Variants in DLGAP2 observed in about 807,000 individuals in gnomAD.
The protein encoded by DLGAP2 is disks large-associated protein 2.
A neutral mutation model predicts 100.3 loss-of-function variants in DLGAP2; 26 were observed. That is an observed-to-expected ratio of 0.26 (90% CI 0.19 to 0.36). The LOEUF is 0.36. Ranked by LOEUF, DLGAP2 falls within the 10% of genes least tolerant of loss-of-function variation. The pLI is 1.00. For synonymous variants in DLGAP2, 886 were observed against 630.1 expected (o/e 1.41, Z -6.08); for missense variants, 1,858 against 1,453.2 (o/e 1.28, Z -4.53).
intron 3 of DLGAP2, among the ~76,000 whole-genome samples, chr8:1,383,173 G>T (rs911827272): frequency 1.3e-5 from 2 of 152,074 alleles, no homozygotes; most frequent in Admixed American, 6.5e-5. Flanking sequence ...AAGTTTGTCA[G>T]GTATATTCAT....
intron 3 of DLGAP2, among the ~76,000 whole-genome samples, chr8:1,438,204 T>C (rs1174562258): frequency 6.6e-6 from 1 of 152,176 alleles, no homozygotes; most frequent in Non-Finnish European, 1.5e-5. Context: ...CCTGGTTCTT[T>C]TAAAATGCAT....
intron 2 of DLGAP2, among the ~76,000 whole-genome samples, chr8:926,698 C>T (rs999587240): frequency 2.6e-5 from 4 of 152,210 alleles, no homozygotes; most frequent in Non-Finnish European, 5.9e-5. Flanking sequence ...TGGGTGGCCG[C>T]CGAGGGGCTG....
intron 3 of DLGAP2, among the ~76,000 whole-genome samples, chr8:1,293,529 T>A (rs1446567430): frequency 2.0e-5 from 3 of 152,228 alleles, no homozygotes; most frequent in Non-Finnish European, 1.5e-5. Flanking sequence ...TTATCTTCCT[T>A]TGGGCCTGGA....
intron 2 of DLGAP2, among the ~76,000 whole-genome samples, chr8:1,007,642 G>GT (rs1173542913): frequency 2.0e-5 from 3 of 147,514 alleles, no homozygotes; most frequent in Admixed American, 6.7e-5. Context: ...TTTTGGGGGG[G>GT]GGATCTTCTG....
Position 895,455 on chromosome 8 carries a change from G to A in DLGAP2, c.19-12457G>A, listed in dbSNP as rs181164340. ...AGCAGGGGGCTGTCGGTCTCTGGAC[G>A]CTGCCCGTCCCCCCTTCTGAGACCA... On this transcript the variant is annotated intron_variant, in intron 1 of 14. Coordinates refer to ENST00000637795, the MANE Select transcript of DLGAP2 (RefSeq NM_001346810.2). 1.8e-3 allele frequency among the ~76,000 whole-genome samples: 273 copies of A among 152,268 alleles called. 1 individual carries two copies. The highest frequency in any genetic ancestry group is 6.1e-3 in the African/African-American group (255 of 41,532).
At chr8:1,333,813 C>T (rs1440301929) in intron 3 of DLGAP2, among the ~76,000 whole-genome samples, 1 of 152,182 alleles carries the variant, frequency 6.6e-6, no homozygotes, top group African/African-American at 2.4e-5. Flanking sequence ...CCATCTCCAC[C>T]CGAACTTATC....
intron 3 of DLGAP2, among the ~76,000 whole-genome samples, chr8:1,464,822 G>A (rs1798578116): frequency 6.6e-6 from 1 of 152,220 alleles, no homozygotes; most frequent in Non-Finnish European, 1.5e-5. Flanking sequence ...GCAGCAGGAT[G>A]ATCATTATCA....
chr8:1,347,782 T>C (rs1454873480), intron 3 of DLGAP2, among the ~76,000 whole-genome samples: 2 of 151,920 alleles, frequency 1.3e-5, no homozygotes, highest in East Asian at 3.9e-4. Flanking sequence ...TCATGGTAAC[T>C]GTGTGGAGGT....
intron 2 of DLGAP2, among the ~76,000 whole-genome samples, chr8:1,244,421 T>A (rs1238984682): frequency 1.3e-5 from 2 of 152,188 alleles, no homozygotes; most frequent in African/African-American, 2.4e-5. Context: ...CAAAATATTG[T>A]GTTATAATGA....
At chr8:741,691 TC>T (rs1455423223) in intron 1 of DLGAP2, among the ~76,000 whole-genome samples, 1 of 152,190 alleles carries the variant, frequency 6.6e-6, no homozygotes, top group African/African-American at 2.4e-5. Flanking sequence ...AGTGTACGCT[TC>T]CCTTTCCAGG....
intron 3 of DLGAP2, among the ~76,000 whole-genome samples, chr8:1,377,262 C>T (rs74304033): frequency 0.052 from 7,917 of 152,236 alleles, 419 homozygotes; most frequent in East Asian, 0.18. Flanking sequence ...CACAGGTCTT[C>T]GGCCGAGCGC....
At chr8:1,005,723 C>T (rs1415146121) in intron 2 of DLGAP2, among the ~76,000 whole-genome samples, 1 of 152,078 alleles carries the variant, frequency 6.6e-6, no homozygotes, top group Non-Finnish European at 1.5e-5. Context: ...CCTAGCCCTA[C>T]ATCCCCAGTG....
intron 1 of DLGAP2, among the ~76,000 whole-genome samples, chr8:752,081 C>T (rs946570666): frequency 6.6e-6 from 1 of 152,212 alleles, no homozygotes; most frequent in Non-Finnish European, 1.5e-5. Flanking sequence ...CCCTGGTGTT[C>T]ACTCACCCAG....
At chr8:1,460,926 G>C (rs757161152) in intron 3 of DLGAP2, among the ~76,000 whole-genome samples, 2 of 152,232 alleles carry the variant, frequency 1.3e-5, no homozygotes, top group Non-Finnish European at 2.9e-5. Flanking sequence ...ACTCTCTCCA[G>C]AGCATAAACA....
intron 2 of DLGAP2, among the ~76,000 whole-genome samples, chr8:1,257,414 C>G (rs937641816): frequency 6.6e-6 from 1 of 152,086 alleles, no homozygotes; most frequent in African/African-American, 2.4e-5. Flanking sequence ...GCCCTCCGCT[C>G]ACCTCTCTGC....
At chr8:909,791 G>A (rs1343832892) in intron 2 of DLGAP2, among the ~76,000 whole-genome samples, 1 of 152,198 alleles carries the variant, frequency 6.6e-6, no homozygotes. Context: ...GTAAGTCCAT[G>A]CAGAATGGAA....
At chr8:1,567,058 C>G (rs2130580396) in intron 6 of DLGAP2, among the ~76,000 whole-genome samples, 1 of 152,256 alleles carries the variant, frequency 6.6e-6, no homozygotes, top group Admixed American at 6.5e-5. Flanking sequence ...AAATGTTGCC[C>G]TGGGGAAGCT....
intron 2 of DLGAP2, among the ~76,000 whole-genome samples, chr8:1,174,662 T>G (rs1056487682): frequency 1.3e-5 from 2 of 149,954 alleles, no homozygotes; most frequent in Non-Finnish European, 3.0e-5. Context: ...ACCATCATTG[T>G]CATCATCACC....
intron 3 of DLGAP2, among the ~76,000 whole-genome samples, chr8:1,479,211 C>T (rs115868106): frequency 9.1e-4 from 139 of 152,318 alleles, no homozygotes; most frequent in African/African-American, 3.2e-3. Flanking sequence ...AGGTCTAACA[C>T]GATGCTCCTT....
Sources: allele counts gnomAD v4.1 joint callset (sites outside exome capture counted in the v4.1 genomes callset), GRCh38; gene constraint gnomAD v4.1.1; transcripts MANE v1.5; gene names NCBI Gene and HGNC (gene_info 2026-07-23, HGNC 2026-07-21).